Variants in TMEM164 observed in about 807,000 individuals in gnomAD.
The protein encoded by TMEM164 is RP13-360B22.2.
Under a neutral mutation model 18.8 loss-of-function variants are expected in TMEM164, and 4 were observed. The ratio of observed to expected loss-of-function variants is 0.21; its 90% CI spans 0.10 to 0.49. The LOEUF (loss-of-function observed/expected upper bound fraction) is 0.49. Among genes scored for constraint, TMEM164 ranks in the 20% least tolerant of loss-of-function variants. TMEM164 has a pLI of 0.98. For synonymous variants in TMEM164, 86 were observed against 101.7 expected (o/e 0.85, Z 0.93); for missense variants, 108 against 239.9 (o/e 0.45, Z 3.63).
intron 3 of TMEM164, among the ~76,000 whole-genome samples, chrX:110,101,277 A>T (rs1373125392): frequency 1.8e-5 from 2 of 112,021 alleles, no homozygotes; most frequent in South Asian, 7.3e-4. Flanking sequence ...TTTCTTATTC[A>T]GATGATTTTA....
At chrX:110,119,561 T>C (rs1403542239) in intron 4 of TMEM164, among the ~76,000 whole-genome samples, 1 of 112,171 alleles carries the variant, frequency 8.9e-6, no homozygotes. Context: ...GTTAAGAGTT[T>C]ATAGTGTAGT....
At chrX:110,066,897 T>G (rs1235708135) in intron 2 of TMEM164, among the ~76,000 whole-genome samples, 1 of 111,689 alleles carries the variant, frequency 9.0e-6, no homozygotes, top group East Asian at 2.8e-4. Flanking sequence ...CTAAAACTAT[T>G]CATTGTTTAT....
intron 4 of TMEM164, among the ~76,000 whole-genome samples, chrX:110,113,181 C>T (rs1258038765): frequency 8.9e-6 from 1 of 112,427 alleles, no homozygotes; most frequent in Non-Finnish European, 1.9e-5. Context: ...AGTAACCTCT[C>T]CTGACATTGA....
intron 2 of TMEM164, among the ~76,000 whole-genome samples, chrX:110,024,993 T>TGG (rs1934116893): frequency 9.8e-6 from 1 of 101,528 alleles, no homozygotes; most frequent in Admixed American, 1.0e-4. Flanking sequence ...TATTGTTGGG[T>TGG]GTGTGTGTGT....
chrX:110,153,923 A>G (rs903830300), intron 5 of TMEM164, among the ~76,000 whole-genome samples: 1 of 111,742 alleles, frequency 8.9e-6, no homozygotes, highest in Non-Finnish European at 1.9e-5. Context: ...TACCTAATAC[A>G]ATGTAAATGC....
chrX:110,106,609 A>G (rs941927042), intron 3 of TMEM164, among the ~76,000 whole-genome samples: 2 of 111,248 alleles, frequency 1.8e-5, no homozygotes, highest in African/African-American at 6.5e-5. Context: ...CCTGACCTCA[A>G]GTGATCCTCC....
At chrX:110,130,517 C>T (rs1409132804) in intron 4 of TMEM164, among the ~76,000 whole-genome samples, 4 of 111,213 alleles carry the variant, frequency 3.6e-5, no homozygotes, top group Non-Finnish European at 7.5e-5. Flanking sequence ...TTATTATCTC[C>T]GTTGTTGTTT....
chrX:110,092,233 C>T (rs2065941711), intron 3 of TMEM164, among the ~76,000 whole-genome samples: 1 of 111,605 alleles, frequency 9.0e-6, no homozygotes, highest in African/African-American at 3.3e-5. Flanking sequence ...TAGTTTTTTC[C>T]AATTCTGTGA....
At chrX:110,168,498 C>T (rs999211526) in intron 5 of TMEM164, among the ~76,000 whole-genome samples, 2 of 112,455 alleles carry the variant, frequency 1.8e-5, no homozygotes, top group Admixed American at 9.3e-5. Flanking sequence ...TTCATTTCTC[C>T]AGTGCTCCGC....
intron 4 of TMEM164, among the ~76,000 whole-genome samples, chrX:110,128,391 G>C (rs1038525771): frequency 1.8e-5 from 2 of 112,529 alleles, no homozygotes; most frequent in African/African-American, 6.5e-5. Context: ...CTCTGTTGTT[G>C]CTTTGAAAAG....
intron 3 of TMEM164, among the ~76,000 whole-genome samples, chrX:110,108,793 T>G (rs1054913355): frequency 8.9e-6 from 1 of 112,333 alleles, no homozygotes; most frequent in African/African-American, 3.2e-5. Flanking sequence ...TGACTGAATG[T>G]TTAGGGAACA....
At chrX:110,068,729 C>CT (rs1170576933) in intron 3 of TMEM164, among the ~76,000 whole-genome samples, 1 of 110,566 alleles carries the variant, frequency 9.0e-6, no homozygotes, top group South Asian at 3.8e-4. Flanking sequence ...TTTCTTTTCC[C>CT]TTTTTTTCTT....
At chrX:110,157,262 A>G (rs1013394974) in intron 5 of TMEM164, among the ~76,000 whole-genome samples, 7 of 111,943 alleles carry the variant, frequency 6.3e-5, no homozygotes, top group Non-Finnish European at 1.1e-4. Context: ...GGTTGTCCTG[A>G]AAACTAAGGC....
Position 110,090,114 on chromosome X carries a change from T to C in TMEM164, c.441-18966T>C, listed in dbSNP as rs148944676. Among the ~76,000 whole-genome samples, 812 of 110,571 alleles carry C rather than the reference T, an allele frequency of 7.3e-3. 6 individuals are homozygous for C. Among genetic ancestry groups the C allele is most frequent in the African/African-American group, 0.026 (779 of 30,425 alleles). ...TAGGGGCATTTGCCAACTTCCTGAA[T>C]TTCACAGGGAAAAAAAAAATTCTGC... On this transcript the variant is annotated intron_variant, in intron 3 of 6. Transcript: ENST00000372068.
intron 3 of TMEM164, among the ~76,000 whole-genome samples, chrX:110,075,217 C>T (rs1281493772): frequency 2.7e-5 from 3 of 111,224 alleles, no homozygotes; most frequent in Non-Finnish European, 5.7e-5. Context: ...GTTTTTGTAG[C>T]TATTGTAAAA....
intron 2 of TMEM164, among the ~76,000 whole-genome samples, chrX:110,017,405 C>CCTTCCTTCCTTT (rs1555984533): frequency 5.9e-4 from 9 of 15,271 alleles, no homozygotes; most frequent in African/African-American, 8.9e-4. Flanking sequence ...CCACCTCCTT[C>CCTTCCTTCCTTT]CTTTCTTTCT....
At chrX:110,097,555 A>G (rs1456553497) in intron 3 of TMEM164, among the ~76,000 whole-genome samples, 3 of 112,382 alleles carry the variant, frequency 2.7e-5, no homozygotes, top group Non-Finnish European at 5.6e-5. Context: ...ACTATATGTG[A>G]TTTGTAGATA....
At chrX:110,154,811 T>C (rs1344935885) in intron 5 of TMEM164, among the ~76,000 whole-genome samples, 2 of 111,894 alleles carry the variant, frequency 1.8e-5, no homozygotes, top group African/African-American at 6.5e-5. Flanking sequence ...AGACAGACTG[T>C]AGGTACAAAT....
chrX:110,025,680 G>A (rs767426016), intron 2 of TMEM164, among the ~76,000 whole-genome samples: 25 of 112,118 alleles, frequency 2.2e-4, no homozygotes, highest in African/African-American at 7.1e-4. Flanking sequence ...CACTAACTTG[G>A]ATACCCTGCT....
Sources: allele counts gnomAD v4.1 joint callset (sites outside exome capture counted in the v4.1 genomes callset), GRCh38; gene constraint gnomAD v4.1.1; transcripts MANE v1.5; gene names NCBI Gene and HGNC (gene_info 2026-07-23, HGNC 2026-07-21).